The following HERC3 variants were observed in gnomAD, a reference collection of about 807,000 sequenced individuals.
HERC3 encodes the protein HECT and RLD domain containing E3 ubiquitin protein ligase 3.
In HERC3, 58 loss-of-function variants were observed where a neutral mutation model predicts 129.9. The ratio of observed to expected loss-of-function variants is 0.45; its 90% CI spans 0.36 to 0.56. The LOEUF is 0.56. HERC3 is among the 20% of genes least tolerant of loss of function. The pLI, the probability that HERC3 is intolerant of heterozygous loss-of-function variation, is 0.00. For missense variants in HERC3, 835 were observed against 1,244.2 expected (o/e 0.67, Z 4.95); for synonymous variants, 430 against 451.0 (o/e 0.95, Z 0.59).
At chr4:88,527,224 T>A in the HERC3 span, 1 of 152,168 alleles carries the variant, frequency 6.6e-6, no homozygotes, top group Non-Finnish European at 1.5e-5. Context: ...TTTCTTTCTT[T>A]CTTACTCTCT....
chr4:88,529,759 A>C, the HERC3 span, among the ~76,000 whole-genome samples: 1 of 152,036 alleles, frequency 6.6e-6, no homozygotes, highest in Non-Finnish European at 1.5e-5. Flanking sequence ...GTCTCAAAAA[A>C]AAAAAAAATG....
At chr4:88,538,299 G>C in the HERC3 span, among the ~76,000 whole-genome samples, 34 of 152,304 alleles carry the variant, frequency 2.2e-4, no homozygotes, top group Admixed American at 7.2e-4. Context: ...TCTTTGAGAT[G>C]ACACTGTACA....
the HERC3 span, among the ~76,000 whole-genome samples, chr4:88,581,333 T>G: frequency 6.6e-6 from 1 of 151,776 alleles, no homozygotes; most frequent in Non-Finnish European, 1.5e-5. Flanking sequence ...GGAGTTTCGC[T>G]CTTGTTGCCC....
chr4:88,610,336 C>T (rs1724159657), intron 3 of HERC3, among the ~76,000 whole-genome samples: 1 of 151,838 alleles, frequency 6.6e-6, no homozygotes, highest in African/African-American at 2.4e-5. Context: ...GCCTGTAATC[C>T]CAGTTACTCA....
intron 23 of HERC3, chr4:88,696,780 G>A (rs28435799): frequency 0.072 from 11,482 of 160,448 alleles, 487 homozygotes; most frequent in African/African-American, 0.082. Flanking sequence ...ACTGCGAAAT[G>A]TCATGAGTAA....
intron 16 of HERC3, among the ~76,000 whole-genome samples, chr4:88,674,188 C>T (rs572654203): frequency 6.6e-6 from 1 of 151,474 alleles, no homozygotes; most frequent in Admixed American, 6.6e-5. Context: ...TACAAGCTGC[C>T]GAAGCTGGGT....
intron 3 of HERC3, among the ~76,000 whole-genome samples, chr4:88,619,660 A>C (rs979691974): frequency 3.3e-5 from 5 of 152,198 alleles, no homozygotes; most frequent in Admixed American, 6.5e-5. Flanking sequence ...TCCCATAACG[A>C]AGCCAAAAGG....
At chr4:88,698,049 CCCTGTA>C (rs1281366779) in intron 23 of HERC3, among the ~76,000 whole-genome samples, 4 of 152,190 alleles carry the variant, frequency 2.6e-5, no homozygotes, top group Non-Finnish European at 4.4e-5. Flanking sequence ...ATGTACCCAC[CCCTGTA>C]GAGCTGGGCT....
intron 3 of HERC3, among the ~76,000 whole-genome samples, chr4:88,612,380 C>CAGGCCCCAGATATT (rs568791445): frequency 1.8e-4 from 27 of 151,370 alleles, no homozygotes; most frequent in African/African-American, 6.1e-4. Flanking sequence ...CCTGGTTATT[C>CAGGCCCCAGATATT]AGGCCCCAGA....
chr4:88,605,773 AT>A, intron 2 of HERC3, 21 bp from the exon 3 acceptor site: 6 of 1,424,388 alleles, frequency 4.2e-6, no homozygotes, highest in Non-Finnish European at 5.8e-6. Context: ...TTAAAAAATA[AT>A]TTTTTTAAAC....
At chr4:88,599,940 C>A (rs1251501227) in intron 2 of HERC3, among the ~76,000 whole-genome samples, 1 of 152,194 alleles carries the variant, frequency 6.6e-6, no homozygotes, top group Non-Finnish European at 1.5e-5. Flanking sequence ...TATCTACTTT[C>A]TAAGCTCCTT....
At chr4:88,639,863 C>T (rs1202623104) in intron 3 of HERC3, among the ~76,000 whole-genome samples, 5 of 151,794 alleles carry the variant, frequency 3.3e-5, no homozygotes, top group South Asian at 2.1e-4. Flanking sequence ...CTAGAATCTA[C>T]AAGGAACTTA....
chr4:88,692,052 C>G (rs1226637513), intron 23 of HERC3, among the ~76,000 whole-genome samples: 2 of 152,204 alleles, frequency 1.3e-5, no homozygotes, highest in East Asian at 3.8e-4. Flanking sequence ...CCTACACAGT[C>G]AAATGAGTTG....
chr4:88,686,610 T>C (rs1001534954), intron 21 of HERC3, 126 bp from the exon 22 acceptor site: 4 of 624,254 alleles, frequency 6.4e-6, no homozygotes, highest in Admixed American at 5.2e-5. Context: ...TCCGGATTTA[T>C]GTTTATTCCA....
intron 12 of HERC3, among the ~76,000 whole-genome samples, chr4:88,666,947 G>T (rs1018159999): frequency 2.0e-5 from 3 of 152,104 alleles, no homozygotes; most frequent in African/African-American, 7.2e-5. Flanking sequence ...GAGTGGACCA[G>T]TTTGCACAGG....
In HERC3 at chr4:88,648,946, A is replaced by G. The variant is rs571610061; in HGVS notation, c.227-894A>G. On this transcript the variant is annotated intron_variant, in intron 3 of 25. Coordinates refer to ENST00000402738, the MANE Select transcript of HERC3 (RefSeq NM_014606.3). ...TGCTACCACATTTTTGGTTTCCAAGATATTTCTGTTGGTTTGTTTTTTGAA... is the reference window on the plus strand; with the variant it reads ...TGCTACCACATTTTTGGTTTCCAAGGTATTTCTGTTGGTTTGTTTTTTGAA... Among the ~76,000 whole-genome samples, 4 of 147,500 alleles carry G rather than the reference A, an allele frequency of 2.7e-5. No individual in the cohort carries two copies. The South Asian group carries it at 6.5e-4, about 24-fold the overall frequency.
chr4:88,615,236 T>G (rs1724777532), intron 3 of HERC3, among the ~76,000 whole-genome samples: 1 of 152,182 alleles, frequency 6.6e-6, no homozygotes, highest in Non-Finnish European at 1.5e-5. Context: ...AGGTTGGTGA[T>G]CTATGATCTT....
chr4:88,548,903 C>T, the HERC3 span, among the ~76,000 whole-genome samples: 5 of 152,074 alleles, frequency 3.3e-5, no homozygotes, highest in Non-Finnish European at 5.9e-5. Context: ...CCTCGTGATC[C>T]GCCCTCATCA....
At chr4:88,653,563 C>G (rs550725031) in intron 6 of HERC3, among the ~76,000 whole-genome samples, 1 of 152,158 alleles carries the variant, frequency 6.6e-6, no homozygotes, top group South Asian at 2.1e-4. Flanking sequence ...GAGGATATAA[C>G]TGGTTTTCTC....
Sources: allele counts gnomAD v4.1 joint callset (sites outside exome capture counted in the v4.1 genomes callset), GRCh38; gene constraint gnomAD v4.1.1; transcripts MANE v1.5; gene names NCBI Gene and HGNC (gene_info 2026-07-23, HGNC 2026-07-21).